The following ACVR1 variants were observed in gnomAD, a reference collection of about 807,000 sequenced individuals.
ACVR1 encodes the protein activin receptor type-1.
Under a neutral mutation model 57.1 loss-of-function variants are expected in ACVR1, and 38 were observed. That is an observed-to-expected ratio of 0.67 (90% confidence interval 0.51 to 0.87). ACVR1 has a LOEUF of 0.87. Among genes scored for constraint, ACVR1 ranks in the 40% least tolerant of loss-of-function variants. ACVR1 has a pLI of 0.00. For synonymous variants in ACVR1, 212 were observed against 228.1 expected (o/e 0.93, Z 0.63); for missense variants, 463 against 638.2 (o/e 0.73, Z 2.96).
intron 2 of ACVR1, among the ~76,000 whole-genome samples, chr2:157,804,950 T>G (rs955310039): frequency 6.6e-6 from 1 of 152,220 alleles, no homozygotes; most frequent in Non-Finnish European, 1.5e-5. Flanking sequence ...AGTTTGGCAC[T>G]TTTTTTGCTC....
chr2:157,844,927 C>T (rs191791926), intron 1 of ACVR1, among the ~76,000 whole-genome samples: 1 of 152,292 alleles, frequency 6.6e-6, no homozygotes, highest in East Asian at 1.9e-4. Flanking sequence ...AGTGAGCCCT[C>T]ACCAGACACC....
chr2:157,761,778 G>T (rs914178792), intron 8 of ACVR1, among the ~76,000 whole-genome samples: 29 of 152,262 alleles, frequency 1.9e-4, no homozygotes, highest in Admixed American at 1.4e-3. Context: ...GGCCAGTGGG[G>T]AGACACATAC....
At chr2:157,794,780 G>A (rs1314867468) in intron 3 of ACVR1, among the ~76,000 whole-genome samples, 3 of 151,826 alleles carry the variant, frequency 2.0e-5, no homozygotes. Context: ...CCATTATATT[G>A]GAAAGCATTT....
chr2:157,843,124 T>C (rs1447534595), intron 1 of ACVR1, among the ~76,000 whole-genome samples: 1 of 152,342 alleles, frequency 6.6e-6, no homozygotes, highest in Non-Finnish European at 1.5e-5. Flanking sequence ...GCTAGCATGA[T>C]AAATGCTTCA....
At chr2:157,842,006 G>A (rs1309829246) in intron 1 of ACVR1, among the ~76,000 whole-genome samples, 4 of 123,776 alleles carry the variant, frequency 3.2e-5, no homozygotes, top group Admixed American at 1.0e-4. Flanking sequence ...CAGCCTGGGC[G>A]ACACAGAGAG....
chr2:157,784,702 G>A (rs531853276), intron 3 of ACVR1, among the ~76,000 whole-genome samples: 85 of 152,298 alleles, frequency 5.6e-4, no homozygotes, highest in Non-Finnish European at 8.1e-4. Flanking sequence ...GGGAGAATAC[G>A]GGGCTGGCTC....
intron 6 of ACVR1, among the ~76,000 whole-genome samples, chr2:157,771,669 G>C (rs538787876): frequency 6.6e-6 from 1 of 152,264 alleles, no homozygotes; most frequent in Non-Finnish European, 1.5e-5. Context: ...CAAACATGGA[G>C]AGAGAAGCAG....
chr2:157,801,302 G>C (rs1158601989), intron 2 of ACVR1, among the ~76,000 whole-genome samples: 1 of 152,156 alleles, frequency 6.6e-6, no homozygotes, highest in Non-Finnish European at 1.5e-5. Context: ...TGTACTTGTA[G>C]TTCTGAAGGT....
At chr2:157,821,495 C>A (rs972112649) in intron 1 of ACVR1, among the ~76,000 whole-genome samples, 6 of 151,822 alleles carry the variant, frequency 4.0e-5, no homozygotes, top group African/African-American at 1.5e-4. Flanking sequence ...CACTGCACTC[C>A]AGCCTGGGGA....
At chr2:157,743,367 T>C (rs901342919) in intron 9 of ACVR1, among the ~76,000 whole-genome samples, 10 of 152,124 alleles carry the variant, frequency 6.6e-5, no homozygotes, top group African/African-American at 2.4e-4. Flanking sequence ...AGTGACTTGA[T>C]CTATTTATTT....
In ACVR1 at chr2:157,808,032, T is replaced by C. The variant is rs117219711; in HGVS notation, c.-7-8532A>G. 1.2e-4 allele frequency among the ~76,000 whole-genome samples: 19 copies of C among 152,042 alleles called. No homozygotes were observed. The East Asian group carries it at 3.5e-3, about 28-fold the overall frequency. ...ACACTGGCCTAACCAAAGCCTTCCG[T>C]CTCACTCCCACACTCCAAGCCCATT... On this transcript the variant is annotated intron_variant, in intron 2 of 10. Coordinates refer to ENST00000434821, the MANE Select transcript of ACVR1 (RefSeq NM_001111067.4).
At chr2:157,745,029 C>G (rs150105269) in intron 9 of ACVR1, among the ~76,000 whole-genome samples, 29 of 152,310 alleles carry the variant, frequency 1.9e-4, no homozygotes, top group African/African-American at 7.0e-4. Context: ...CATGGGCTTA[C>G]GGAGCCATGT....
chr2:157,796,105 C>T (rs1314658026), intron 3 of ACVR1, among the ~76,000 whole-genome samples: 4 of 151,884 alleles, frequency 2.6e-5, no homozygotes, highest in East Asian at 3.9e-4. Flanking sequence ...GCCTGTGGTC[C>T]CAGCTACTTG....
intron 6 of ACVR1, among the ~76,000 whole-genome samples, chr2:157,771,105 G>C (rs150082601): frequency 6.6e-6 from 1 of 152,164 alleles, no homozygotes; most frequent in African/African-American, 2.4e-5. Flanking sequence ...CTAGAAGATC[G>C]ACATGCAGCC....
intron 2 of ACVR1, among the ~76,000 whole-genome samples, chr2:157,810,356 T>C (rs1354728943): frequency 1.3e-5 from 2 of 152,236 alleles, no homozygotes; most frequent in African/African-American, 2.4e-5. Flanking sequence ...AAGAACATGA[T>C]GGGGGACAGG....
At chr2:157,745,030 G>A (rs1224319535) in intron 9 of ACVR1, among the ~76,000 whole-genome samples, 10 of 152,276 alleles carry the variant, frequency 6.6e-5, no homozygotes, top group South Asian at 2.1e-4. Flanking sequence ...ATGGGCTTAC[G>A]GAGCCATGTA....
At position 157,763,462 on chromosome 2, in the gene ACVR1, T is replaced by A. The variant is rs866525435; in HGVS notation, c.1067-2385A>T. Reference sequence around the variant, plus strand: ...GACGAGGCACAGTGGCTCACATCTGTAATCTCAACATTTTGGGAGGCCGAG... The same window carrying A: ...GACGAGGCACAGTGGCTCACATCTGAAATCTCAACATTTTGGGAGGCCGAG... On this transcript the variant is annotated intron_variant, in intron 8 of 10. Coordinates refer to ENST00000434821, the MANE Select transcript of ACVR1 (RefSeq NM_001111067.4). Among the ~76,000 whole-genome samples, 4 of 152,332 alleles carry A rather than the reference T, an allele frequency of 2.6e-5. No homozygotes were observed. In the Middle Eastern group the frequency reaches 0.014, roughly 518 times the overall value.
chr2:157,869,260 C>T (rs746144352), intron 1 of ACVR1, among the ~76,000 whole-genome samples: 3 of 152,092 alleles, frequency 2.0e-5, no homozygotes, highest in South Asian at 2.1e-4. Flanking sequence ...GGAAACAATA[C>T]ACAGAAAAAA....
intron 10 of ACVR1, 101 bp downstream of exon 10, chr2:157,738,339 A>G: frequency 1.9e-6 from 3 of 1,548,894 alleles, no homozygotes; most frequent in South Asian, 2.2e-5. Flanking sequence ...CAACAGATCC[A>G]CGGGACAGAT....
Sources: gnomAD v4.1 joint callset for allele counts (sites outside exome capture counted in the v4.1 genomes callset) on GRCh38, gnomAD v4.1.1 for gene constraint, MANE v1.5 for transcripts, NCBI Gene and HGNC (gene_info 2026-07-23, HGNC 2026-07-21) for gene names.